Variants in SMPDL3B observed in about 807,000 individuals in gnomAD.
SMPDL3B encodes acid sphingomyelinase-like phosphodiesterase 3b.
In SMPDL3B, 31 loss-of-function variants were observed where a neutral mutation model predicts 37.9. The observed-to-expected ratio is 0.82, with a 90% CI of 0.61 to 1.10. The LOEUF (loss-of-function observed/expected upper bound fraction) is 1.10. Among genes scored for constraint, SMPDL3B ranks in the 50% least tolerant of loss-of-function variants. The pLI is 0.00. For missense variants in SMPDL3B, 525 were observed against 597.8 expected, an observed-to-expected ratio of 0.88 and a Z score of 1.27; for synonymous variants, 235 against 242.6, an observed-to-expected ratio of 0.97 and a Z score of 0.29.
At chr1:27,952,974 G>A (rs1448747757) in intron 3 of SMPDL3B, among the ~76,000 whole-genome samples, 3 of 152,134 alleles carry the variant, frequency 2.0e-5, no homozygotes, top group East Asian at 1.9e-4. Context: ...CTTCTAACTA[G>A]GAAACTTTCT....
At position 27,958,650 on chromosome 1, in the gene SMPDL3B, G is replaced by A. The variant is rs1303667915; in HGVS notation, c.1180G>A (p.Val394Ile). The change falls in exon 8 of 8, where the codon GTC (valine) becomes ATC (isoleucine). Residue 394 changes from valine to isoleucine, a missense_variant. Val to Ile is a conservative substitution (Grantham distance 29). Transcript: ENST00000373894. The surrounding 1 kb of genome is among the most constrained non-coding windows in gnomAD (Gnocchi z 5.6). ...CCAGAGCACACTGCAGCGCTACTAC[G>A]TCTATAACTCAGTCAGCTACTCTGC... ...GDQSTLQRYY[V>I]YNSVSYSAGV... 4 of 1,613,996 alleles carry A rather than the reference G, an allele frequency of 2.5e-6. No homozygotes were observed. The highest frequency in any genetic ancestry group is 3.4e-6 in the Non-Finnish European group (4 of 1,180,010).
At chr1:27,948,406 TTTGACTGTCCGGACGTCTC>T (rs2090428469) in intron 2 of SMPDL3B, among the ~76,000 whole-genome samples, 1 of 151,988 alleles carries the variant, frequency 6.6e-6, no homozygotes, top group African/African-American at 2.4e-5. Context: ...GCCCCAGGAT[TTTGACTGTCCGGACGTCTC>T]CCCATCCCTA....
chr1:27,935,403 C>A (rs548397316), intron 1 of SMPDL3B, among the ~76,000 whole-genome samples, 159 bp downstream of exon 1: 1 of 152,204 alleles, frequency 6.6e-6, no homozygotes, highest in East Asian at 1.9e-4. Flanking sequence ...TTAGCAAGTG[C>A]TGTTTGAGGC....
intron 3 of SMPDL3B, among the ~76,000 whole-genome samples, chr1:27,951,311 A>AATT (rs2090453696): frequency 6.6e-6 from 1 of 152,154 alleles, no homozygotes; most frequent in South Asian, 2.1e-4. Context: ...TCTAGCTGAG[A>AATT]ATTCTAAAAA....
chr1:27,943,897 C>T (rs1452611293), intron 1 of SMPDL3B, among the ~76,000 whole-genome samples: 1 of 151,710 alleles, frequency 6.6e-6, no homozygotes, highest in Non-Finnish European at 1.5e-5. Flanking sequence ...GACTGTAATC[C>T]CAGCTGCTTG....
rs183354192 is a variant in SMPDL3B at position 27,937,381 on chromosome 1, G to A, written c.61+2137G>A. 3.9e-5 allele frequency among the ~76,000 whole-genome samples: 6 copies of A among 152,348 alleles called. No individual in the cohort carries two copies. The South Asian group carries it at 8.3e-4, about 21-fold the overall frequency. On this transcript the variant is annotated intron_variant, in intron 1 of 7. Transcript: ENST00000373894. ...GGGCTGAGGGAGCAGGACCAGGGCA[G>A]GAATGGTAACACCTACCTCTGGAGC... is the stretch of plus-strand genomic sequence containing the variant.
chr1:27,948,152 TG>T (rs2090426120), intron 2 of SMPDL3B, among the ~76,000 whole-genome samples: 1 of 152,118 alleles, frequency 6.6e-6, no homozygotes, highest in African/African-American at 2.4e-5. Flanking sequence ...CCCGTGTCTC[TG>T]GTGCTTGATT....
chr1:27,950,944 G>A (rs536263984), intron 3 of SMPDL3B, among the ~76,000 whole-genome samples: 37 of 152,136 alleles, frequency 2.4e-4, no homozygotes, highest in African/African-American at 8.4e-4. Context: ...TTCAATTTTT[G>A]TAGAGATGGG....
At chr1:27,935,874 C>T (rs1468686622) in intron 1 of SMPDL3B, among the ~76,000 whole-genome samples, 2 of 151,884 alleles carry the variant, frequency 1.3e-5, no homozygotes, top group Non-Finnish European at 2.9e-5. Context: ...GGACAGTGCA[C>T]GGGGTCTGAG....
chr1:27,947,180 G>A (rs546891200), intron 2 of SMPDL3B, among the ~76,000 whole-genome samples: 13 of 152,128 alleles, frequency 8.5e-5, no homozygotes, highest in African/African-American at 2.9e-4. Flanking sequence ...GGGATTACAG[G>A]CATGCGCCAC....
At chr1:27,949,283 G>A (rs1355557544) in intron 3 of SMPDL3B, 121 bp downstream of exon 3, 11 of 1,007,274 alleles carry the variant, frequency 1.1e-5, no homozygotes, top group Non-Finnish European at 1.7e-5. Context: ...AGCGATGGCT[G>A]TTGGCCAGGT....
At chr1:27,954,671 C>T in intron 5 of SMPDL3B, 145 bp downstream of exon 5, 4 of 709,642 alleles carry the variant, frequency 5.6e-6, no homozygotes, top group Non-Finnish European at 9.5e-6. Context: ...GGGCTTCCTC[C>T]ATCCTCACCA....
chr1:27,946,663 C>A (rs1164519224), intron 2 of SMPDL3B, among the ~76,000 whole-genome samples: 1 of 152,166 alleles, frequency 6.6e-6, no homozygotes, highest in African/African-American at 2.4e-5. Flanking sequence ...AGCAGGGGAG[C>A]TCTCGAGGAA....
At chr1:27,939,255 G>C (rs1485728222) in intron 1 of SMPDL3B, among the ~76,000 whole-genome samples, 1 of 152,112 alleles carries the variant, frequency 6.6e-6, no homozygotes, top group East Asian at 1.9e-4. Context: ...TAAGAACTTA[G>C]GTTTTATAAA....
chr1:27,946,401 G>A (rs1193922393), intron 2 of SMPDL3B, among the ~76,000 whole-genome samples: 5 of 151,850 alleles, frequency 3.3e-5, no homozygotes, highest in South Asian at 4.2e-4. Context: ...CCATCTCCTC[G>A]CTTGCTCCCT....
chr1:27,952,582 A>C (rs1011332307), intron 3 of SMPDL3B, among the ~76,000 whole-genome samples: 2 of 152,236 alleles, frequency 1.3e-5, no homozygotes, highest in Non-Finnish European at 2.9e-5. Flanking sequence ...GGCCTCATTC[A>C]CAGGCCCCTT....
intron 1 of SMPDL3B, among the ~76,000 whole-genome samples, chr1:27,944,818 A>G (rs1557493627): frequency 6.6e-6 from 1 of 151,434 alleles, no homozygotes; most frequent in Non-Finnish European, 1.5e-5. Flanking sequence ...ATGAGAGGAT[A>G]TGGCTCTAGT....
chr1:27,935,314 C>T (rs2090297593), intron 1 of SMPDL3B, 70 bp downstream of exon 1: 2 of 1,215,096 alleles, frequency 1.6e-6, no homozygotes, highest in Non-Finnish European at 2.4e-6. Flanking sequence ...GGAAGCTGCT[C>T]GCAGCCAGCT....
In SMPDL3B at chr1:27,945,127, T is replaced by G. The variant is rs2090395048; in HGVS notation, c.62-105T>G. On this transcript the variant is annotated intron_variant, in intron 1 of 7. Coordinates refer to ENST00000373894, the MANE Select transcript of SMPDL3B (RefSeq NM_014474.4). The surrounding 1 kb of genome is among the most constrained non-coding windows in gnomAD (Gnocchi z 4.0). The stretch of plus-strand genomic sequence containing the variant: ...CGGGGTGCTCAGAGAAGACTTCCAT[T>G]TGCCTGTGTAACGCCCCTGCCCCAG... 1.9e-6 allele frequency: 2 copies of G among 1,036,556 alleles called. No homozygotes were observed. The highest frequency in any genetic ancestry group is 2.9e-6 in the Non-Finnish European group (2 of 681,178). The allele number at this position is 1,036,556 out of a possible 1,614,324, so 64.2% of individuals were successfully genotyped here.
Sources: gnomAD v4.1 joint callset for allele counts (sites outside exome capture counted in the v4.1 genomes callset) on GRCh38, gnomAD v4.1.1 for gene constraint, Gnocchi (gnomAD v3.1) non-coding constraint, MANE v1.5 for transcripts, NCBI Gene and HGNC (gene_info 2026-07-23, HGNC 2026-07-21) for gene names.